Variants in CDYL observed in about 807,000 individuals in gnomAD.
CDYL encodes the protein chromodomain Y like, also known as chromodomain Y-like protein.
In CDYL, 8 loss-of-function variants were observed where a neutral mutation model predicts 47.3. That is an observed-to-expected ratio of 0.17 (90% CI 0.10 to 0.31). The LOEUF (loss-of-function observed/expected upper bound fraction) is 0.31, where lower values mean the gene tolerates loss of function less well. Ranked by LOEUF, CDYL falls within the 10% of genes least tolerant of loss-of-function variation. The probability of loss-of-function intolerance (pLI) is 1.00; values close to 1 mark genes in which losing one functional copy is unlikely to be tolerated. For synonymous variants in CDYL, 266 were observed against 265.0 expected (o/e 1.00, Z -0.04); for missense variants, 471 against 701.4 (o/e 0.67, Z 3.71).
At chr6:4,923,017 T>C (rs36015134) in intron 2 of CDYL, among the ~76,000 whole-genome samples, 2,783 of 152,334 alleles carry the variant, frequency 0.018, 45 homozygotes, top group Non-Finnish European at 0.029. Flanking sequence ...TAATTTGATA[T>C]ATATGTGCAA....
chr6:4,815,614 AT>A (rs1218062257), intron 1 of CDYL, among the ~76,000 whole-genome samples: 5 of 148,922 alleles, frequency 3.4e-5, no homozygotes, highest in African/African-American at 1.2e-4. Context: ...TCAGTCTTTA[AT>A]TTTTGCTAAT....
intron 1 of CDYL, among the ~76,000 whole-genome samples, chr6:4,872,972 C>G (rs1175203253): frequency 6.6e-6 from 1 of 152,264 alleles, no homozygotes; most frequent in East Asian, 1.9e-4. Context: ...ATAATAAATG[C>G]TTTGTTATCT....
intron 1 of CDYL, among the ~76,000 whole-genome samples, chr6:4,848,599 TAAATTC>T (rs1392727207): frequency 6.6e-6 from 1 of 152,208 alleles, no homozygotes; most frequent in East Asian, 1.9e-4. Flanking sequence ...ATCCGAAAGT[TAAATTC>T]AATGAAAAGG....
chr6:4,779,143 C>T (rs960783394), intron 1 of CDYL, among the ~76,000 whole-genome samples: 4 of 152,178 alleles, frequency 2.6e-5, no homozygotes, highest in African/African-American at 7.2e-5. Flanking sequence ...GCAGTATTAT[C>T]TGTAGGGCAG....
At chr6:4,923,458 T>C (rs934961799) in intron 2 of CDYL, among the ~76,000 whole-genome samples, 1 of 152,222 alleles carries the variant, frequency 6.6e-6, no homozygotes, top group African/African-American at 2.4e-5. Context: ...ATTTTCTTTA[T>C]CCATTCATTT....
At chr6:4,769,189 T>A (rs902029469) in intron 3 of CDYL, among the ~76,000 whole-genome samples, 14 of 152,316 alleles carry the variant, frequency 9.2e-5, no homozygotes, top group African/African-American at 3.1e-4. Context: ...GTATTTTAGT[T>A]AATAATACTG....
At chr6:4,831,744 A>G (rs1760150825) in intron 1 of CDYL, among the ~76,000 whole-genome samples, 1 of 152,054 alleles carries the variant, frequency 6.6e-6, no homozygotes, top group African/African-American at 2.4e-5. Context: ...ATCCTCTTTA[A>G]TTTCATTGAG....
intron 2 of CDYL, among the ~76,000 whole-genome samples, chr6:4,721,656 C>T (rs1030588615): frequency 1.3e-5 from 2 of 152,076 alleles, no homozygotes; most frequent in Non-Finnish European, 2.9e-5. Flanking sequence ...GCTGGGACTA[C>T]AGGCATGAGC....
In CDYL at chr6:4,869,498, T is replaced by A. The variant is rs138229834; in HGVS notation, c.25-22215T>A. 7.2e-4 allele frequency among the ~76,000 whole-genome samples: 109 copies of A among 152,344 alleles called. 1 individual carries two copies. In the Middle Eastern group the frequency reaches 0.01, roughly 14 times the overall value. ...TTAGTTTGTCAGTTTGCTGTTTTTC[T>A]GTTTATCTCTTGTCAGTTTATTTAT... On this transcript the variant is annotated intron_variant, in intron 1 of 6. Coordinates refer to ENST00000397588, the MANE Select transcript of CDYL (RefSeq NM_004824.4).
Position 4,937,407 on chromosome 6 carries a change from GATT to G in CDYL, c.949-157_949-155del, listed in dbSNP as rs371393592. On this transcript the variant is annotated intron_variant, in intron 3 of 6. Transcript: ENST00000397588. Reference sequence around the variant, plus strand: ...GCTACTTAGGAGGCGGAGGCGGGAGGATTGTTTGAGCCCAGGAGTTAGAGAGCA... The same window carrying G: ...GCTACTTAGGAGGCGGAGGCGGGAGGGTTTGAGCCCAGGAGTTAGAGAGCA... Among the ~76,000 whole-genome samples, 22 of 152,212 alleles carry G rather than the reference GATT, an allele frequency of 1.4e-4. No individual in the cohort carries two copies. The East Asian group carries it at 1.5e-3, about 11-fold the overall frequency.
chr6:4,896,552 A>G (rs1289108091), intron 2 of CDYL, among the ~76,000 whole-genome samples: 1 of 152,028 alleles, frequency 6.6e-6, no homozygotes, highest in Non-Finnish European at 1.5e-5. Context: ...AGGAGGGGAG[A>G]AATGCTATTG....
At chr6:4,749,107 CCAAA>C (rs1489293553) in intron 3 of CDYL, among the ~76,000 whole-genome samples, 1 of 152,132 alleles carries the variant, frequency 6.6e-6, no homozygotes, top group Non-Finnish European at 1.5e-5. Context: ...CTCCATTTTC[CCAAA>C]CAAATGACCT....
At chr6:4,915,630 C>T (rs926878930) in intron 2 of CDYL, among the ~76,000 whole-genome samples, 1 of 152,190 alleles carries the variant, frequency 6.6e-6, no homozygotes, top group Admixed American at 6.5e-5. Context: ...CAACCTGAGT[C>T]AGGTAGAGCA....
intron 1 of CDYL, among the ~76,000 whole-genome samples, chr6:4,831,987 G>C (rs1760159113): frequency 6.6e-6 from 1 of 151,912 alleles, no homozygotes; most frequent in African/African-American, 2.4e-5. Context: ...TGAGATGATG[G>C]GGTTTTCTAG....
At chr6:4,804,490 A>C (rs1325106628) in intron 1 of CDYL, among the ~76,000 whole-genome samples, 1 of 152,214 alleles carries the variant, frequency 6.6e-6, no homozygotes, top group Non-Finnish European at 1.5e-5. Flanking sequence ...TCTCCAGGCC[A>C]GTGGCCTGGG....
chr6:4,742,682 G>A (rs900678920), intron 3 of CDYL, among the ~76,000 whole-genome samples: 6 of 152,226 alleles, frequency 3.9e-5, no homozygotes, highest in Non-Finnish European at 8.8e-5. Context: ...CCCTTTGGGG[G>A]CAGAGAAGGT....
At chr6:4,923,232 C>T (rs77664020) in intron 2 of CDYL, among the ~76,000 whole-genome samples, 5,257 of 152,216 alleles carry the variant, frequency 0.035, 99 homozygotes, top group Middle Eastern at 0.082. Flanking sequence ...TCCCCCCACC[C>T]ACTACTTCCC....
chr6:4,726,572 A>C lies in CDYL; in HGVS notation c.104-8190A>C, dbSNP rs13437470. ...AAAAATTAGCTGGATATGCTGGCAC[A>C]CACCTGTGGTCCCACCTATTTGGGA... On this transcript the variant is annotated intron_variant, in intron 2 of 8. Coordinates refer to the CDYL transcript ENST00000328908. Among the ~76,000 whole-genome samples, 1,355 of 151,086 alleles carry C rather than the reference A, an allele frequency of 9.0e-3. 31 individuals are homozygous for C. The highest frequency in any genetic ancestry group is 0.032 in the African/African-American group (1,304 of 41,106).
intron 2 of CDYL, chr6:4,928,660 G>A (rs1757948869): frequency 6.6e-6 from 1 of 152,076 alleles, no homozygotes; most frequent in South Asian, 2.1e-4. Flanking sequence ...TCTTTTCTCT[G>A]TGGTCAGAGG....
Sources: allele counts gnomAD v4.1 joint callset (sites outside exome capture counted in the v4.1 genomes callset), GRCh38; gene constraint gnomAD v4.1.1; transcripts MANE v1.5; gene names NCBI Gene and HGNC (gene_info 2026-07-23, HGNC 2026-07-21).